DYNC2H1: variants seen among roughly 807,000 people sequenced by gnomAD.
The protein encoded by DYNC2H1 is dynein cytoplasmic 2 heavy chain 1.
In DYNC2H1, 410 loss-of-function variants were observed where a neutral mutation model predicts 570.0. That is an observed-to-expected ratio of 0.72 (90% CI 0.66 to 0.78). DYNC2H1 has a LOEUF of 0.78. DYNC2H1 is among the 30% of genes least tolerant of loss of function. The probability of loss-of-function intolerance (pLI) is 0.00; values close to 1 mark genes in which losing one functional copy is unlikely to be tolerated. For synonymous variants in DYNC2H1, 1,688 were observed against 1,677.6 expected (o/e 1.01, Z -0.15); for missense variants, 4,865 against 5,046.4 (o/e 0.96, Z 1.09).
At chr11:103,440,981 A>G (rs1944247770) in intron 85 of DYNC2H1, among the ~76,000 whole-genome samples, 2 of 151,952 alleles carry the variant, frequency 1.3e-5, no homozygotes, top group African/African-American at 4.8e-5. Context: ...CACAATCTCA[A>G]ATGTTCTGGT....
chr11:103,214,086 T>TG (rs1391873348), intron 54 of DYNC2H1, among the ~76,000 whole-genome samples: 3 of 152,148 alleles, frequency 2.0e-5, no homozygotes, highest in African/African-American at 7.2e-5. Flanking sequence ...ATGAAGAGGG[T>TG]GTCCTTTTCC....
chr11:103,263,437 C>G (rs1157172041), intron 70 of DYNC2H1, among the ~76,000 whole-genome samples: 6 of 152,122 alleles, frequency 3.9e-5, no homozygotes, highest in African/African-American at 1.2e-4. Context: ...CACACTTATT[C>G]TAAAATTGAC....
At chr11:103,376,064 T>G (rs1223094804) in intron 83 of DYNC2H1, among the ~76,000 whole-genome samples, 1 of 152,170 alleles carries the variant, frequency 6.6e-6, no homozygotes, top group Non-Finnish European at 1.5e-5. Context: ...GTTCTGATGA[T>G]AGTGAGTGAG....
At chr11:103,436,164 C>A in intron 85 of DYNC2H1, 132 bp downstream of exon 85, 1 of 684,034 alleles carries the variant, frequency 1.5e-6, no homozygotes, top group Non-Finnish European at 2.2e-6. Context: ...ATTCATTATT[C>A]TGCCATTTGT....
chr11:103,458,837 A>G (rs1944890022), intron 87 of DYNC2H1, among the ~76,000 whole-genome samples: 1 of 151,864 alleles, frequency 6.6e-6, no homozygotes, highest in African/African-American at 2.4e-5. Context: ...CCATTTCTTT[A>G]CATAGAATTG....
In DYNC2H1 at chr11:103,256,190, A is replaced by G. The variant is rs794727831; in HGVS notation, c.10411A>G (p.Ile3471Val). The G allele has an allele frequency of 3.1e-6, 5 of 1,607,728 alleles. No individual in the cohort carries two copies. The Admixed American group carries it at 6.8e-5, about 22-fold the overall frequency. The change falls in exon 68 of 89, where the codon ATT (isoleucine) becomes GTT (valine). Residue 3471 changes from isoleucine to valine, a missense_variant. Around this residue, in one of 5 missense-constraint regions of DYNC2H1, gnomAD observed 2,401 missense variants for 2,454.6 expected, o/e 0.98. Coordinates refer to ENST00000375735, the MANE Select transcript of DYNC2H1 (RefSeq NM_001377.3). The surrounding 1 kb of genome is among the most constrained non-coding windows in gnomAD (Gnocchi z 4.0). Reference sequence around the variant, plus strand: ...TCAGACAAAAGCAAGCAGTGCACTTATTCAAGAGTCACTTAAAGAATCTTA... The same window carrying G: ...TCAGACAAAAGCAAGCAGTGCACTTGTTCAAGAGTCACTTAAAGAATCTTA... ...LNQTKASSAL[I>V]QESLKESYKL...
chr11:103,208,141 G>A (rs1454255861), intron 52 of DYNC2H1, among the ~76,000 whole-genome samples: 2 of 152,120 alleles, frequency 1.3e-5, no homozygotes, highest in African/African-American at 2.4e-5. Flanking sequence ...GTGTAGGTGA[G>A]TGGCTGACAA....
At chr11:103,259,416 A>G (rs1305366821) in intron 69 of DYNC2H1, among the ~76,000 whole-genome samples, 1 of 152,216 alleles carries the variant, frequency 6.6e-6, no homozygotes, top group Non-Finnish European at 1.5e-5. Flanking sequence ...TTTTTACAGC[A>G]TCAATTTCAA....
At chr11:103,454,065 T>G (rs1429375525) in intron 85 of DYNC2H1, among the ~76,000 whole-genome samples, 1 of 152,084 alleles carries the variant, frequency 6.6e-6, no homozygotes, top group Non-Finnish European at 1.5e-5. Flanking sequence ...TGAGTACTAT[T>G]CAAATGCATT....
intron 59 of DYNC2H1, among the ~76,000 whole-genome samples, chr11:103,229,368 A>C (rs554652673): frequency 2.6e-5 from 4 of 152,304 alleles, no homozygotes; most frequent in East Asian, 1.9e-4. Flanking sequence ...CCTGCTTGCT[A>C]TCTGTCATCT....
intron 70 of DYNC2H1, among the ~76,000 whole-genome samples, chr11:103,267,789 T>C (rs2135297669): frequency 6.6e-6 from 1 of 152,000 alleles, no homozygotes; most frequent in East Asian, 1.9e-4. Flanking sequence ...CCATTTCCTA[T>C]CTCTTTATAT....
At chr11:103,171,168 G>T in intron 34 of DYNC2H1, 100 bp downstream of exon 34, 2 of 1,075,634 alleles carry the variant, frequency 1.9e-6, no homozygotes, top group East Asian at 3.0e-5. Context: ...CCTGACATCC[G>T]TGTTTCTAAT....
intron 56 of DYNC2H1, 22 bp downstream of exon 56, chr11:103,220,050 G>T (rs1310931482): frequency 7.7e-7 from 1 of 1,304,826 alleles, no homozygotes; most frequent in Admixed American, 3.5e-5. Flanking sequence ...AACATTCTAA[G>T]ATCCATTTAC....
intron 83 of DYNC2H1, among the ~76,000 whole-genome samples, chr11:103,390,790 G>C (rs1377536727): frequency 6.6e-6 from 1 of 152,152 alleles, no homozygotes; most frequent in Non-Finnish European, 1.5e-5. Context: ...ATTCTGGGTT[G>C]AAAATTCTTT....
chr11:103,318,056 T>A (rs1238023179), intron 80 of DYNC2H1, among the ~76,000 whole-genome samples: 1 of 152,152 alleles, frequency 6.6e-6, no homozygotes, highest in Non-Finnish European at 1.5e-5. Flanking sequence ...TTTCTATAAC[T>A]TGTCTTTGGC....
rs1332684262 is a variant in DYNC2H1 at position 103,325,883 on chromosome 11, G to GGGCT, written c.12039+1894_12039+1897dup. Among the ~76,000 whole-genome samples the GGGCT allele has an allele frequency of 6.6e-6, 1 of 152,064 alleles. No homozygotes were observed. The highest frequency in any genetic ancestry group is 1.5e-5 in the Non-Finnish European group (1 of 68,034). On this transcript the variant is annotated intron_variant, in intron 82 of 88. Coordinates refer to ENST00000375735, the MANE Select transcript of DYNC2H1 (RefSeq NM_001377.3). This position sits in a 1 kb window ranked among gnomAD's most constrained non-coding sequence, Gnocchi z 4.8. Reference sequence around the variant, plus strand: ...GGTGGGCGGGGGATGGGCGTATAGTGGGCTCCTTTGAAGGTAAGGGGACAC... The same window carrying GGGCT: ...GGTGGGCGGGGGATGGGCGTATAGTGGGCTGGCTCCTTTGAAGGTAAGGGGACAC...
intron 83 of DYNC2H1, among the ~76,000 whole-genome samples, chr11:103,392,446 C>T (rs980074898): frequency 1.3e-5 from 2 of 152,230 alleles, no homozygotes; most frequent in Non-Finnish European, 2.9e-5. Context: ...CTTGCGCTTA[C>T]TGGGTGAGGT....
At chr11:103,419,519 G>A (rs1206089882) in intron 84 of DYNC2H1, among the ~76,000 whole-genome samples, 1 of 151,650 alleles carries the variant, frequency 6.6e-6, no homozygotes, top group Non-Finnish European at 1.5e-5. Context: ...GTCTAGAGTG[G>A]ACCCCCAGCA....
In DYNC2H1 at chr11:103,280,702, T is replaced by G. The variant is rs928297736; in HGVS notation, c.10761+289T>G. On this transcript the variant is annotated intron_variant, in intron 71 of 88. Transcript: ENST00000375735. This position sits in a 1 kb window ranked among gnomAD's most constrained non-coding sequence, Gnocchi z 4.7. ...GGCAACAGAAGAGTCAGCCTTCTTC[T>G]TTTCCCGGCCTAGGTAGTAGAGCTC... Among the ~76,000 whole-genome samples, 6 of 152,070 alleles carry G rather than the reference T, an allele frequency of 3.9e-5. No individual in the cohort carries two copies. The highest frequency in any genetic ancestry group is 8.8e-5 in the Non-Finnish European group (6 of 67,986).
Sources: gnomAD v4.1 joint callset for allele counts (sites outside exome capture counted in the v4.1 genomes callset) on GRCh38, gnomAD v4.1.1 for gene constraint, gnomAD v4.1.1 regional missense constraint, Gnocchi (gnomAD v3.1) non-coding constraint, MANE v1.5 for transcripts, NCBI Gene and HGNC (gene_info 2026-07-23, HGNC 2026-07-21) for gene names.